Variants in RFX7 observed in about 807,000 individuals in gnomAD.
The protein encoded by RFX7 is DNA-binding protein RFX7.
Under a neutral mutation model 111.8 loss-of-function variants are expected in RFX7, and 26 were observed. The observed-to-expected ratio is 0.23, with a 90% CI of 0.17 to 0.32. The LOEUF (loss-of-function observed/expected upper bound fraction) is 0.32, where lower values mean the gene tolerates loss of function less well. Among genes scored for constraint, RFX7 ranks in the 10% least tolerant of loss-of-function variants. The pLI is 1.00. For missense variants in RFX7, 1,573 were observed against 1,772.9 expected, an observed-to-expected ratio of 0.89 and a Z score of 2.02; for synonymous variants, 624 against 624.4, an observed-to-expected ratio of 1.00 and a Z score of 0.01.
chr15:56,211,667 C>G (rs1036120684), intron 2 of RFX7, among the ~76,000 whole-genome samples: 6 of 151,938 alleles, frequency 3.9e-5, no homozygotes, highest in African/African-American at 1.4e-4. Context: ...AAAAGACTTA[C>G]CCAAAATACA....
chr15:56,216,259 A>C (rs2043361974), intron 2 of RFX7, among the ~76,000 whole-genome samples: 1 of 152,194 alleles, frequency 6.6e-6, no homozygotes, highest in Non-Finnish European at 1.5e-5. Context: ...TTCACTTACA[A>C]AACTATGGTG....
intron 5 of RFX7, among the ~76,000 whole-genome samples, chr15:56,107,862 T>C (rs2041852932): frequency 6.6e-6 from 1 of 152,108 alleles, no homozygotes; most frequent in African/African-American, 2.4e-5. Flanking sequence ...CAATAAAAAA[T>C]GATACAGGGG....
intron 8 of RFX7, among the ~76,000 whole-genome samples, chr15:56,099,329 A>G (rs2140522002): frequency 6.6e-6 from 1 of 152,252 alleles, no homozygotes; most frequent in South Asian, 2.1e-4. Context: ...GAAATAGACA[A>G]TGAGGAAGCT....
intron 5 of RFX7, among the ~76,000 whole-genome samples, chr15:56,104,203 T>C (rs1199145610): frequency 1.3e-5 from 2 of 152,298 alleles, no homozygotes; most frequent in East Asian, 1.9e-4. Context: ...GGTCCTAGTG[T>C]TATCCTCCTT....
In RFX7 at chr15:56,135,455, T is replaced by C. The variant is rs879421717; in HGVS notation, c.401+7323A>G. 1.4e-3 allele frequency among the ~76,000 whole-genome samples: 212 copies of C among 152,282 alleles called. 2 individuals are homozygous for C. Among genetic ancestry groups the C allele is most frequent in the Admixed American group, 8.6e-3 (132 of 15,308 alleles). The stretch of plus-strand genomic sequence containing the variant: ...TTCATGTCCTTCACCCACTTTTTGA[T>C]GGGGCTGTTTGTTTTTTTCTTGTAA... On this transcript the variant is annotated intron_variant, in intron 5 of 9. Transcript: ENST00000559447.
At chr15:56,231,006 G>A (rs1184588335) in intron 2 of RFX7, among the ~76,000 whole-genome samples, 1 of 152,142 alleles carries the variant, frequency 6.6e-6, no homozygotes, top group Non-Finnish European at 1.5e-5. Flanking sequence ...AATTAAATAG[G>A]GTTTGGAGAC....
chr15:56,137,152 C>G (rs1260832675), intron 5 of RFX7, among the ~76,000 whole-genome samples: 1 of 152,074 alleles, frequency 6.6e-6, no homozygotes, highest in African/African-American at 2.4e-5. Flanking sequence ...GGAGGATTCC[C>G]TCTTTTTCTA....
intron 1 of RFX7, 71 bp downstream of exon 1, chr15:56,243,374 A>AGAGGAG (rs1168304658): frequency 2.3e-6 from 1 of 428,190 alleles, no homozygotes; most frequent in Non-Finnish European, 2.9e-6. Flanking sequence ...CGAAGGGGGG[A>AGAGGAG]GAGGAGGAGG....
At chr15:56,206,058 A>G (rs1486098811) in intron 2 of RFX7, among the ~76,000 whole-genome samples, 1 of 152,184 alleles carries the variant, frequency 6.6e-6, no homozygotes, top group African/African-American at 2.4e-5. Context: ...TAAAATTACC[A>G]TATGATCCAG....
intron 2 of RFX7, among the ~76,000 whole-genome samples, chr15:56,232,847 T>C (rs540028578): frequency 5.3e-5 from 8 of 152,186 alleles, no homozygotes; most frequent in Non-Finnish European, 1.0e-4. Flanking sequence ...TTAATCTCCA[T>C]CAGAGACCAC....
Position 56,108,183 on chromosome 15 carries a change from G to A in RFX7, c.402-4513C>T, listed in dbSNP as rs1171968592. On this transcript the variant is annotated intron_variant, in intron 5 of 9. Coordinates refer to ENST00000559447, the MANE Select transcript of RFX7 (RefSeq NM_022841.7). ...ACTATCCCAAATAATTGAAAAGGAA[G>A]GACTCCTCCCTAACTCATTTTATGA... Among the ~76,000 whole-genome samples the A allele has an allele frequency of 2.0e-5, 3 of 152,186 alleles. No individual in the cohort carries two copies. In the East Asian group the frequency reaches 5.8e-4, roughly 29 times the overall value.
rs534143514 is a variant in RFX7, at chr15:56,152,963, A to G, written c.196-8480T>C. Among the ~76,000 whole-genome samples, 2 of 152,352 alleles carry G rather than the reference A, an allele frequency of 1.3e-5. 1 individual carries two copies. Among genetic ancestry groups the G allele is most frequent in the South Asian group, 4.1e-4 (2 of 4,826 alleles). On this transcript the variant is annotated intron_variant, in intron 3 of 9. Transcript: ENST00000559447. ...GCAAATAAACTGGAAAATCTAGAAGAAATGGATAAACTCCTGGACATATAC... is the reference window on the plus strand; with the variant it reads ...GCAAATAAACTGGAAAATCTAGAAGGAATGGATAAACTCCTGGACATATAC...
At chr15:56,143,620 G>A (rs1024844960) in intron 4 of RFX7, among the ~76,000 whole-genome samples, 1 of 152,086 alleles carries the variant, frequency 6.6e-6, no homozygotes, top group Admixed American at 6.6e-5. Context: ...TCTACTGATT[G>A]TGACATCCAT....
intron 5 of RFX7, among the ~76,000 whole-genome samples, chr15:56,134,073 T>C (rs997737805): frequency 1.3e-5 from 2 of 152,216 alleles, no homozygotes; most frequent in African/African-American, 4.8e-5. Context: ...TCCAATGTTT[T>C]CTACCCACTC....
intron 5 of RFX7, among the ~76,000 whole-genome samples, chr15:56,138,437 C>T (rs1416499281): frequency 6.7e-6 from 1 of 149,796 alleles, no homozygotes; most frequent in Non-Finnish European, 1.5e-5. Context: ...AGTATTGCAA[C>T]CCCTGCCTTT....
intron 5 of RFX7, among the ~76,000 whole-genome samples, chr15:56,131,335 T>TTAGTGCGATCA (rs1555419989): frequency 6.8e-6 from 1 of 146,034 alleles, no homozygotes; most frequent in Non-Finnish European, 1.5e-5. Flanking sequence ...TTGGAGTGCA[T>TTAGTGCGATCA]TGGCTTACTG....
chr15:56,113,670 T>TAAA (rs11449454), intron 5 of RFX7, among the ~76,000 whole-genome samples: 3 of 146,618 alleles, frequency 2.0e-5, no homozygotes, highest in Non-Finnish European at 3.0e-5. Flanking sequence ...AAAATAAAAT[T>TAAA]AAAAAAAAAA....
At chr15:56,144,577 CTATT>C (rs2042443532) in intron 3 of RFX7, 94 bp from the exon 4 acceptor site, 3 of 460,712 alleles carry the variant, frequency 6.5e-6, no homozygotes, top group Non-Finnish European at 1.2e-5. Context: ...ACGATAATGA[CTATT>C]TAAATTTAAA....
At chr15:56,183,528 C>A (rs533590574) in intron 2 of RFX7, among the ~76,000 whole-genome samples, 1 of 152,058 alleles carries the variant, frequency 6.6e-6, no homozygotes, top group Non-Finnish European at 1.5e-5. Flanking sequence ...TTTCTGTACA[C>A]GCTTGAATCT....
Sources: gnomAD v4.1 joint callset for allele counts (sites outside exome capture counted in the v4.1 genomes callset) on GRCh38, gnomAD v4.1.1 for gene constraint, MANE v1.5 for transcripts, NCBI Gene and HGNC (gene_info 2026-07-23, HGNC 2026-07-21) for gene names.